The following CCNK variants were observed in gnomAD, a reference collection of about 807,000 sequenced individuals.
The protein encoded by CCNK is cyclin-K.
CCNK carries 9 observed loss-of-function variants against 65.0 expected under a neutral mutation model. The ratio of observed to expected loss-of-function variants is 0.14; its 90% CI spans 0.08 to 0.24. The LOEUF is 0.24. CCNK is among the 10% of genes least tolerant of loss of function. CCNK has a pLI of 1.00. For missense variants in CCNK, 474 were observed against 720.0 expected (o/e 0.66, Z 3.91); for synonymous variants, 279 against 270.8 (o/e 1.03, Z -0.30).
Position 99,486,077 on chromosome 14 carries a change from A to G in CCNK, c.-53+4598A>G, listed in dbSNP as rs79384015. Reference sequence around the variant, plus strand: ...TTAGTATTTGCAGAGTCATGAAACCATCACAATTTTCAGTGTCTCTAATAA... The same window carrying G: ...TTAGTATTTGCAGAGTCATGAAACCGTCACAATTTTCAGTGTCTCTAATAA... On this transcript the variant is annotated intron_variant, in intron 1 of 10. Coordinates refer to ENST00000389879, the MANE Select transcript of CCNK (RefSeq NM_001099402.2). 1.5e-3 allele frequency among the ~76,000 whole-genome samples: 234 copies of G among 152,344 alleles called. 2 individuals carry two copies. Among genetic ancestry groups the G allele is most frequent in the African/African-American group, 5.4e-3 (223 of 41,574 alleles).
chr14:99,495,507 G>A lies in CCNK; in HGVS notation c.289G>A (p.Ala97Thr). The A allele has an allele frequency of 6.2e-7, 1 of 1,611,294 alleles. No individual in the cohort carries two copies. The highest frequency in any genetic ancestry group is 8.5e-7 in the Non-Finnish European group (1 of 1,178,964). ...TTTGTTTCCCTTTTAGGTGACAGGA[G>A]CCTGTTGCCTCTTTCTGGCTGGGAA... ...FKQFPRYVTG[A>T]CCLFLAGKVE... is the part of the protein sequence containing the mutation. The change falls in exon 4 of 11, where the codon GCC becomes ACC. Residue 97 changes from alanine (A) to threonine (T), a missense_variant. Transcript: ENST00000389879.
At chr14:99,490,111 G>A (rs1050163166) in intron 1 of CCNK, among the ~76,000 whole-genome samples, 5 of 152,108 alleles carry the variant, frequency 3.3e-5, no homozygotes, top group African/African-American at 7.2e-5. Flanking sequence ...CTTACTAGTG[G>A]GTGGTTTTAA....
chr14:99,487,239 A>G (rs1266893559), intron 1 of CCNK, among the ~76,000 whole-genome samples: 1 of 152,242 alleles, frequency 6.6e-6, no homozygotes, highest in African/African-American at 2.4e-5. Flanking sequence ...CCCAAACAGT[A>G]GAATGTATAG....
chr14:99,493,384 T>C, intron 2 of CCNK, 130 bp from the exon 3 acceptor site: 1 of 563,090 alleles, frequency 1.8e-6, no homozygotes, highest in East Asian at 2.8e-5. Context: ...CCCATCTCAT[T>C]ACTTTGCCAC....
chr14:99,489,080 G>A (rs994640007), intron 1 of CCNK, among the ~76,000 whole-genome samples: 2 of 151,952 alleles, frequency 1.3e-5, no homozygotes, highest in African/African-American at 4.8e-5. Flanking sequence ...TTCAGAATTA[G>A]GAGTGTCATT....
intron 1 of CCNK, among the ~76,000 whole-genome samples, chr14:99,489,139 T>A (rs8020518): frequency 0.059 from 8,868 of 150,904 alleles, 776 homozygotes; most frequent in African/African-American, 0.19. Flanking sequence ...ATATATATAT[T>A]TTTTTTTAAC....
At chr14:99,507,961 G>T (rs184803928) in intron 10 of CCNK, 1 of 152,216 alleles carries the variant, frequency 6.6e-6, no homozygotes, top group Non-Finnish European at 1.5e-5. Context: ...AAGGTGATGC[G>T]CTAGAGAAGG....
chr14:99,503,502 C>T, intron 8 of CCNK, 109 bp from the exon 9 acceptor site: 1 of 877,120 alleles, frequency 1.1e-6, no homozygotes, highest in Non-Finnish European at 1.8e-6. Flanking sequence ...TTGTCCGAGG[C>T]TGTTCACAGT....
chr14:99,510,471 TACCCGCCCA>T lies in CCNK; in HGVS notation c.1441_1449del (p.Asn481_Pro483del), dbSNP rs1566755383. The T allele has an allele frequency of 2.5e-6, 3 of 1,187,976 alleles. No individual in the cohort carries two copies. Among genetic ancestry groups the T allele is most frequent in the Admixed American group, 2.9e-5 (1 of 34,436 alleles). 73.6% of individuals were successfully genotyped at this position (1,187,976 alleles called of 1,614,324 possible). ...ACACCTGCCCTACCACCCCCATGTC[TACCCGCCCA>T]ACCCGCCCCCGCCACCTGTGCCTCC... On this transcript the variant is annotated inframe_deletion, in exon 11 of 11. Transcript: ENST00000389879.
chr14:99,502,323 A>G lies in CCNK; in HGVS notation c.692A>G (p.Tyr231Cys), dbSNP rs1165780200. 6.2e-7 allele frequency: 1 copy of G among 1,613,682 alleles called. No individual in the cohort carries two copies. Among genetic ancestry groups the G allele is most frequent in the Non-Finnish European group, 8.5e-7 (1 of 1,179,788 alleles). Residue 231 changes from tyrosine to cysteine, a missense_variant, in exon 7 of 11, where the codon TAT (tyrosine) becomes TGT (cysteine). Physicochemically the swap from Tyr to Cys is radical, Grantham distance 194. Transcript: ENST00000389879. Reference sequence around the variant, plus strand: ...CAAGAATGGACCTCCAAACCCATGTATAGGAGATGGTGGGAGCAGTTTGTT... The same window carrying G: ...CAAGAATGGACCTCCAAACCCATGTGTAGGAGATGGTGGGAGCAGTTTGTT... ...EIQEWTSKPM[Y>C]RRWWEQFVQD...
At chr14:99,496,638 A>T (rs1193727463) in intron 4 of CCNK, among the ~76,000 whole-genome samples, 3 of 151,964 alleles carry the variant, frequency 2.0e-5, no homozygotes, top group Non-Finnish European at 4.4e-5. Context: ...TGAACCCGGG[A>T]GGCGGAGCTT....
At chr14:99,503,863 G>C (rs1221380988) in intron 9 of CCNK, 6 of 553,092 alleles carry the variant, frequency 1.1e-5, no homozygotes, top group Non-Finnish European at 1.9e-5. Flanking sequence ...AAACATTACT[G>C]GCAATAAAAA....
At position 99,512,116 on chromosome 14, in the gene CCNK, A is replaced by AGTT. The variant is rs1478332224; in HGVS notation, c.*1335_*1337dup. Reference sequence around the variant, plus strand: ...TGTTTGTTACTCCTTTTACTAAAATAGTTCAAATCAATGTTTTTACCACAC... The same window carrying AGTT: ...TGTTTGTTACTCCTTTTACTAAAATAGTTGTTCAAATCAATGTTTTTACCACAC... On this transcript the variant is annotated 3_prime_UTR_variant, in exon 11 of 11. Transcript: ENST00000389879. The AGTT allele has an allele frequency of 2.0e-5, 3 of 152,368 alleles. No individual in the cohort carries two copies. Among genetic ancestry groups the AGTT allele is most frequent in the Non-Finnish European group, 2.9e-5 (2 of 68,042 alleles). 9.4% of individuals were successfully genotyped at this position (152,368 alleles called of 1,614,324 possible). A position where few individuals can be genotyped will look rare whatever the true frequency, so the allele number is the denominator to read the frequency against.
At chr14:99,507,315 G>A (rs1380125276) in intron 10 of CCNK, 168 bp downstream of exon 10, 43 of 636,200 alleles carry the variant, frequency 6.8e-5, no homozygotes, top group Non-Finnish European at 1.4e-5. Context: ...AATGGCTTGT[G>A]TTTTTGATCC....
At chr14:99,503,772 C>T in intron 9 of CCNK, 128 bp downstream of exon 9, 1 of 746,626 alleles carries the variant, frequency 1.3e-6, no homozygotes, top group Non-Finnish European at 2.2e-6. Context: ...TCATACAAAA[C>T]TTTTCCATCA....
intron 1 of CCNK, among the ~76,000 whole-genome samples, chr14:99,483,887 G>A (rs555636595): frequency 2.6e-4 from 39 of 152,280 alleles, no homozygotes; most frequent in Non-Finnish European, 4.6e-4. Context: ...GATAAGCAGC[G>A]TGATTCTCAA....
At chr14:99,482,822 C>G (rs1473209415) in intron 1 of CCNK, among the ~76,000 whole-genome samples, 5 of 151,950 alleles carry the variant, frequency 3.3e-5, no homozygotes, top group African/African-American at 1.2e-4. Context: ...ATAAAATGGG[C>G]TAGTTCATTT....
At chr14:99,509,243 C>G (rs891575762) in intron 10 of CCNK, 1 of 152,290 alleles carries the variant, frequency 6.6e-6, no homozygotes, top group Non-Finnish European at 1.5e-5. Context: ...TGTGGTCTGT[C>G]TCCTGGGCTG....
intron 6 of CCNK, 59 bp downstream of exon 6, chr14:99,501,472 G>T: frequency 1.7e-6 from 2 of 1,150,082 alleles, no homozygotes; most frequent in South Asian, 1.2e-5. Flanking sequence ...AGACTTTATG[G>T]ACCATTTCAT....
Sources: allele counts gnomAD v4.1 joint callset (sites outside exome capture counted in the v4.1 genomes callset), GRCh38; gene constraint gnomAD v4.1.1; transcripts MANE v1.5; gene names NCBI Gene and HGNC (gene_info 2026-07-23, HGNC 2026-07-21).